IDE: variants seen among roughly 807,000 people sequenced by gnomAD.
IDE encodes the protein insulin degrading enzyme.
Under a neutral mutation model 133.2 loss-of-function variants are expected in IDE, and 58 were observed. That is an observed-to-expected ratio of 0.44 (90% confidence interval 0.35 to 0.54). IDE has a LOEUF of 0.54. Ranked by LOEUF, IDE falls within the 20% of genes least tolerant of loss-of-function variation. IDE has a pLI of 0.00. For missense variants in IDE, 981 were observed against 1,234.0 expected, an observed-to-expected ratio of 0.79 and a Z score of 3.07; for synonymous variants, 396 against 421.3, an observed-to-expected ratio of 0.94 and a Z score of 0.73.
At chr10:92,464,359 G>T (rs1845557536) in intron 20 of IDE, among the ~76,000 whole-genome samples, 1 of 152,120 alleles carries the variant, frequency 6.6e-6, no homozygotes, top group Non-Finnish European at 1.5e-5. Flanking sequence ...ATCCCTTAGT[G>T]ACAGTCCTAG....
rs998483318 is a variant in IDE, at chr10:92,454,179, T to C, written c.*265A>G. 8.0e-5 allele frequency: 23 copies of C among 288,772 alleles called. No individual in the cohort carries two copies. Among genetic ancestry groups the C allele is most frequent in the African/African-American group, 2.6e-4 (12 of 46,106 alleles). The allele number at this position is 288,772 out of a possible 1,614,324, so 17.9% of individuals were successfully genotyped here. ...ATAGGAATATCATTCATTTTAAGCA[T>C]TGTTATATTGGGGAAATTTCTCTCA... On this transcript the variant is annotated 3_prime_UTR_variant, in exon 25 of 25. Coordinates refer to ENST00000265986, the MANE Select transcript of IDE (RefSeq NM_004969.4).
At chr10:92,477,157 A>AT (rs35637537) in intron 15 of IDE, among the ~76,000 whole-genome samples, 43,299 of 149,256 alleles carry the variant, frequency 0.29, 7,615 homozygotes, top group East Asian at 0.67. Context: ...GGCTTAGCAC[A>AT]TTTTTTTTTT....
intron 11 of IDE, among the ~76,000 whole-genome samples, chr10:92,501,635 A>G (rs1589432529): frequency 6.7e-6 from 1 of 150,244 alleles, no homozygotes; most frequent in African/African-American, 2.5e-5. Context: ...GCGCCACTGC[A>G]CTCCAGCCTG....
At chr10:92,528,428 C>A (rs1849741468) in intron 4 of IDE, among the ~76,000 whole-genome samples, 1 of 147,900 alleles carries the variant, frequency 6.8e-6, no homozygotes. Flanking sequence ...TAATTAAATG[C>A]ATTTAAAGTA....
chr10:92,517,048 C>G (rs1003309567), intron 4 of IDE, among the ~76,000 whole-genome samples: 4 of 152,160 alleles, frequency 2.6e-5, no homozygotes, highest in Non-Finnish European at 4.4e-5. Context: ...TAAGTGAGAT[C>G]CTGTCTTTCT....
At chr10:92,543,633 A>ACC (rs758094966) in intron 1 of IDE, among the ~76,000 whole-genome samples, 2 of 152,176 alleles carry the variant, frequency 1.3e-5, no homozygotes, top group Non-Finnish European at 2.9e-5. Flanking sequence ...CAACAAATAA[A>ACC]CCCTTAAATG....
chr10:92,462,708 T>C (rs1845460948), intron 21 of IDE, among the ~76,000 whole-genome samples: 1 of 152,334 alleles, frequency 6.6e-6, no homozygotes, highest in East Asian at 1.9e-4. Flanking sequence ...TTATGAGCTT[T>C]TGGATCTTGG....
rs1589344166 is a variant in IDE, at chr10:92,453,487, C to T, written c.*957G>A. On this transcript the variant is annotated 3_prime_UTR_variant, in exon 25 of 25. Transcript: ENST00000265986. ...CAAAAAGGTGGCTTTGTATTGGCTG[C>T]CTTTTAAATTCATAAAGGGGCAAGA... is the stretch of plus-strand genomic sequence containing the variant. 6.6e-6 allele frequency: 1 copy of T among 152,082 alleles called. No individual in the cohort carries two copies. The highest frequency in any genetic ancestry group is 1.5e-5 in the Non-Finnish European group (1 of 68,008). The allele number at this position is 152,082 out of a possible 1,614,324, so 9.4% of individuals were successfully genotyped here. A position where few individuals can be genotyped will look rare whatever the true frequency, so the allele number is the denominator to read the frequency against.
intron 14 of IDE, among the ~76,000 whole-genome samples, chr10:92,482,517 G>C (rs1846675254): frequency 6.6e-6 from 1 of 152,116 alleles, no homozygotes; most frequent in Non-Finnish European, 1.5e-5. Flanking sequence ...CAAGACTCAG[G>C]ATCATTTAGT....
At chr10:92,517,994 G>C (rs929281030) in intron 4 of IDE, among the ~76,000 whole-genome samples, 1 of 151,932 alleles carries the variant, frequency 6.6e-6, no homozygotes, top group Non-Finnish European at 1.5e-5. Flanking sequence ...GAGGTCCTGA[G>C]ACATTCTCTA....
intron 1 of IDE, among the ~76,000 whole-genome samples, chr10:92,556,144 C>T (rs1012124723): frequency 1.6e-5 from 2 of 123,276 alleles, no homozygotes; most frequent in African/African-American, 3.2e-5. Flanking sequence ...CTGCAGTCCG[C>T]AGTCCGGCCT....
At chr10:92,532,145 T>C (rs150175463) in intron 3 of IDE, among the ~76,000 whole-genome samples, 2 of 151,682 alleles carry the variant, frequency 1.3e-5, no homozygotes, top group East Asian at 3.9e-4. Flanking sequence ...ACCCCAGAGA[T>C]GATAAACAGT....
chr10:92,481,470 T>C (rs1339250091), intron 14 of IDE, among the ~76,000 whole-genome samples: 1 of 152,208 alleles, frequency 6.6e-6, no homozygotes, highest in Non-Finnish European at 1.5e-5. Flanking sequence ...CCACAGCAGC[T>C]GTGCTGGTGA....
chr10:92,479,284 C>T lies in IDE; in HGVS notation c.1877G>A (p.Gly626Glu). The T allele has an allele frequency of 6.2e-7, 1 of 1,610,622 alleles. No individual in the cohort carries two copies. The highest frequency in any genetic ancestry group is 8.5e-7 in the Non-Finnish European group (1 of 1,177,166). ...TAAGGCGTGGGTACTTACATACATC[C>T]CATAGATGGTATTTTGGAGATCATA... ...LSYDLQNTIY[G>E]MYLSVKGYND... is the part of the protein sequence containing the mutation. Residue 626 changes from glycine (G) to glutamate (E), a missense_variant, in exon 15 of 25, where the codon GGG becomes GAG. Gly to Glu is a moderately conservative substitution (Grantham distance 98). Around this residue, in one of 2 missense-constraint regions of IDE, gnomAD observed 660 missense variants for 894.7 expected, o/e 0.74. Coordinates refer to ENST00000265986, the MANE Select transcript of IDE (RefSeq NM_004969.4).
At chr10:92,484,243 TC>T (rs1846817918) in intron 13 of IDE, among the ~76,000 whole-genome samples, 1 of 151,968 alleles carries the variant, frequency 6.6e-6, no homozygotes, top group Non-Finnish European at 1.5e-5. Flanking sequence ...AAACCCCGTC[TC>T]TACTAATCAT....
chr10:92,529,963 C>A (rs1258112063), intron 4 of IDE, among the ~76,000 whole-genome samples: 3 of 151,992 alleles, frequency 2.0e-5, no homozygotes, highest in Non-Finnish European at 4.4e-5. Context: ...CAGTGGCTCA[C>A]GCCTGTAATC....
chr10:92,494,542 G>A (rs781782246), intron 11 of IDE, among the ~76,000 whole-genome samples: 5 of 151,974 alleles, frequency 3.3e-5, no homozygotes, highest in Admixed American at 1.3e-4. Context: ...TTGAGTTCAA[G>A]GCAAGCCTGG....
intron 17 of IDE, among the ~76,000 whole-genome samples, chr10:92,472,971 C>T (rs1487521814): frequency 3.1e-5 from 4 of 128,220 alleles, no homozygotes; most frequent in Non-Finnish European, 4.8e-5. Context: ...AGACAAGAGT[C>T]TCACTCTGTC....
Position 92,474,967 on chromosome 10 carries a change from G to C in IDE, c.1996-6C>G, listed in dbSNP as rs1287744936. The stretch of plus-strand genomic sequence containing the variant: ...TTGTTAAGAGATCGCATATACTAGT[G>C]AAAGAGACATGCGTTCATTAATTTT... On this transcript the variant is annotated splice_region_variant and splice_polypyrimidine_tract_variant and intron_variant, in intron 16 of 24. Transcript: ENST00000265986. 6.3e-7 allele frequency: 1 copy of C among 1,592,094 alleles called. No individual in the cohort carries two copies. Among genetic ancestry groups the C allele is most frequent in the South Asian group, 1.2e-5 (1 of 86,952 alleles).
Sources: gnomAD v4.1 joint callset for allele counts (sites outside exome capture counted in the v4.1 genomes callset) on GRCh38, gnomAD v4.1.1 for gene constraint, gnomAD v4.1.1 regional missense constraint, MANE v1.5 for transcripts, NCBI Gene and HGNC (gene_info 2026-07-23, HGNC 2026-07-21) for gene names.